Variants in MYSM1 observed in about 807,000 individuals in gnomAD.
MYSM1 encodes deubiquitinase MYSM1.
MYSM1 carries 51 observed loss-of-function variants against 116.0 expected under a neutral mutation model. The observed-to-expected ratio is 0.44, with a 90% CI of 0.35 to 0.56. The LOEUF is 0.56. Among genes scored for constraint, MYSM1 ranks in the 20% least tolerant of loss-of-function variants. The pLI is 0.00. For missense variants in MYSM1, 900 were observed against 974.9 expected (o/e 0.92, Z 1.02); for synonymous variants, 313 against 315.2 (o/e 0.99, Z 0.07).
chr1:58,694,640 A>G (rs1242781576), intron 2 of MYSM1, among the ~76,000 whole-genome samples: 3 of 151,946 alleles, frequency 2.0e-5, no homozygotes, highest in East Asian at 1.9e-4. Flanking sequence ...AGTAACTACT[A>G]CATGAAGAAA....
chr1:58,674,637 T>TTGGA (rs1389949919), intron 10 of MYSM1, among the ~76,000 whole-genome samples: 1 of 152,128 alleles, frequency 6.6e-6, no homozygotes, highest in Non-Finnish European at 1.5e-5. Context: ...ATAAAGAGTG[T>TTGGA]TGGATCGGCT....
At chr1:58,675,315 T>G (rs1444802158) in intron 10 of MYSM1, among the ~76,000 whole-genome samples, 162 bp downstream of exon 10, 1 of 152,186 alleles carries the variant, frequency 6.6e-6, no homozygotes, top group Non-Finnish European at 1.5e-5. Context: ...AACATGAAAT[T>G]GAATGAAACC....
At chr1:58,662,454 A>ACC (rs869216071) in intron 17 of MYSM1, among the ~76,000 whole-genome samples, 126 of 59,250 alleles carry the variant, frequency 2.1e-3, no homozygotes, top group African/African-American at 5.6e-3. Context: ...GCCATTATTC[A>ACC]CCCCCCCCTT....
intron 13 of MYSM1, 91 bp from the exon 14 acceptor site, chr1:58,668,773 T>C: frequency 8.4e-7 from 1 of 1,191,146 alleles, no homozygotes; most frequent in Non-Finnish European, 1.2e-6. Flanking sequence ...TTCTCCTTTA[T>C]CCACCCCACC....
At chr1:58,680,776 ATT>A (rs957197931) in intron 8 of MYSM1, among the ~76,000 whole-genome samples, 52 of 152,182 alleles carry the variant, frequency 3.4e-4, no homozygotes, top group African/African-American at 1.2e-3. Flanking sequence ...GCCCTATACA[ATT>A]TGATAGCTTC....
intron 10 of MYSM1, among the ~76,000 whole-genome samples, chr1:58,674,821 G>A (rs1439298328): frequency 6.6e-6 from 1 of 151,678 alleles, no homozygotes; most frequent in East Asian, 1.9e-4. Context: ...CAGCTACTCG[G>A]GAGGCTGAGG....
chr1:58,663,598 G>A (rs1644426015), intron 17 of MYSM1, among the ~76,000 whole-genome samples: 1 of 152,232 alleles, frequency 6.6e-6, no homozygotes, highest in Non-Finnish European at 1.5e-5. Context: ...TTACAAGACA[G>A]CTCTGTCCAA....
intron 12 of MYSM1, 34 bp downstream of exon 12, chr1:58,671,836 A>C: frequency 1.3e-6 from 2 of 1,498,872 alleles, no homozygotes; most frequent in Non-Finnish European, 9.2e-7. Context: ...ATTTGTGATA[A>C]ATGTTTAAAA....
At chr1:58,693,152 AC>A (rs373753560) in intron 2 of MYSM1, among the ~76,000 whole-genome samples, 1 of 152,312 alleles carries the variant, frequency 6.6e-6, no homozygotes, top group African/African-American at 2.4e-5. Context: ...AAGAGCAGAG[AC>A]TTTACACCTG....
intron 8 of MYSM1, among the ~76,000 whole-genome samples, chr1:58,679,726 G>A (rs1557516602): frequency 6.6e-6 from 1 of 152,066 alleles, no homozygotes; most frequent in African/African-American, 2.4e-5. Context: ...CCAAAAGCAC[G>A]GGGATGAAAA....
chr1:58,698,102 A>ATATTTTTTTTTTTT, intron 1 of MYSM1, among the ~76,000 whole-genome samples: 6 of 7,774 alleles, frequency 7.7e-4, no homozygotes, highest in Admixed American at 2.1e-3. Flanking sequence ...ATATATATAT[A>ATATTTTTTTTTTTT]TTTTTTTTTT....
At chr1:58,663,499 C>T (rs1181061309) in intron 17 of MYSM1, among the ~76,000 whole-genome samples, 1 of 152,098 alleles carries the variant, frequency 6.6e-6, no homozygotes, top group Non-Finnish European at 1.5e-5. Context: ...TCTAGAAAAC[C>T]TTAATTCTTG....
intron 3 of MYSM1, among the ~76,000 whole-genome samples, chr1:58,691,212 G>A (rs1224415505): frequency 2.0e-5 from 3 of 151,886 alleles, no homozygotes; most frequent in Non-Finnish European, 4.4e-5. Context: ...CCTGGAAGGC[G>A]GAGCTTGCAG....
chr1:58,685,454 T>G (rs982925435), intron 6 of MYSM1, among the ~76,000 whole-genome samples: 2 of 152,148 alleles, frequency 1.3e-5, no homozygotes, highest in Non-Finnish European at 2.9e-5. Flanking sequence ...TACTGAAAAC[T>G]GATGGAAATG....
At chr1:58,681,746 A>C in intron 8 of MYSM1, 39 bp downstream of exon 8, 1 of 1,513,444 alleles carries the variant, frequency 6.6e-7, no homozygotes. Flanking sequence ...TCAGAATATC[A>C]CGTTTTAAAA....
At chr1:58,688,525 A>C (rs1644860347) in intron 6 of MYSM1, among the ~76,000 whole-genome samples, 1 of 151,912 alleles carries the variant, frequency 6.6e-6, no homozygotes, top group South Asian at 2.1e-4. Flanking sequence ...CAACTTGTGA[A>C]CATTTAAATA....
intron 10 of MYSM1, 147 bp downstream of exon 10, chr1:58,675,330 A>G: frequency 3.4e-6 from 2 of 591,352 alleles, no homozygotes; most frequent in South Asian, 5.0e-5. Context: ...GAAACCCAGA[A>G]AAGCGAATTG....
rs192264909 is a variant in MYSM1 at position 58,683,726 on chromosome 1, A to G, written c.499-1181T>C. 2.9e-3 allele frequency among the ~76,000 whole-genome samples: 440 copies of G among 152,328 alleles called. 1 individual carries two copies. The highest frequency in any genetic ancestry group is 0.01 in the African/African-American group (430 of 41,570). ...GTATCACACAGAATTCCAGGATTAAATATTTGAGGTTAACTGGCTTACTAT... is the reference window on the plus strand; with the variant it reads ...GTATCACACAGAATTCCAGGATTAAGTATTTGAGGTTAACTGGCTTACTAT... On this transcript the variant is annotated intron_variant, in intron 7 of 19. Coordinates refer to ENST00000472487, the MANE Select transcript of MYSM1 (RefSeq NM_001085487.3).
In MYSM1 at chr1:58,681,889, G is replaced by T. The variant is rs1216551729; in HGVS notation, c.1155C>A (p.Ile385=). 1.2e-6 allele frequency: 2 copies of T among 1,613,742 alleles called. No individual in the cohort carries two copies. The highest frequency in any genetic ancestry group is 2.7e-5 in the African/African-American group (2 of 74,894). The change falls in exon 8 of 20, where the codon ATC becomes ATA. Residue 385 remains isoleucine (I), a synonymous_variant. Coordinates refer to ENST00000472487, the MANE Select transcript of MYSM1 (RefSeq NM_001085487.3). The stretch of plus-strand genomic sequence containing the variant: ...TTGCTTGTTTTTCTTCTTCTTGAAT[G>T]ATATTTCTATCTATTTCTATTTCCT... ...PEQEIEIDRN[I]IQEEEKQAIP...
Sources: gnomAD v4.1 joint callset for allele counts (sites outside exome capture counted in the v4.1 genomes callset) on GRCh38, gnomAD v4.1.1 for gene constraint, MANE v1.5 for transcripts, NCBI Gene and HGNC (gene_info 2026-07-23, HGNC 2026-07-21) for gene names.